SLC22A24: variants seen among roughly 807,000 people sequenced by gnomAD.
The protein encoded by SLC22A24 is steroid transmembrane transporter SLC22A24.
In SLC22A24, 53 loss-of-function variants were observed where a neutral mutation model predicts 49.8. The observed-to-expected ratio is 1.06, with a 90% CI of 0.85 to 1.34. The LOEUF is 1.34. SLC22A24 is among the 40% of genes most tolerant of loss of function. SLC22A24 has a pLI of 0.00. For missense variants in SLC22A24, 786 were observed against 675.9 expected (o/e 1.16, Z -1.81); for synonymous variants, 302 against 256.4 (o/e 1.18, Z -1.70).
intron 6 of SLC22A24, among the ~76,000 whole-genome samples, chr11:63,092,106 C>A (rs2087023900): frequency 6.6e-6 from 1 of 152,108 alleles, no homozygotes; most frequent in South Asian, 2.1e-4. Context: ...TATACACCAA[C>A]AATAGACCAG....
At position 63,116,352 on chromosome 11, in the gene SLC22A24, G is replaced by A. The variant is rs149125647; in HGVS notation, c.830+2560C>T. 5 of 196,576 alleles carry A rather than the reference G, an allele frequency of 2.5e-5. No individual in the cohort carries two copies. The East Asian group carries it at 6.1e-4, about 24-fold the overall frequency. 12.2% of individuals were successfully genotyped at this position (196,576 alleles called of 1,614,324 possible). A position where few individuals can be genotyped will look rare whatever the true frequency, so the allele number is the denominator to read the frequency against. ...GGACTTGGTTATGTCTGCACCTTAAGCCGCAGCTCCCAAAGCACCTAGAAC... is the reference window on the plus strand; with the variant it reads ...GGACTTGGTTATGTCTGCACCTTAAACCGCAGCTCCCAAAGCACCTAGAAC... On this transcript the variant is annotated intron_variant, in intron 4 of 9. Coordinates refer to ENST00000612278, the MANE Select transcript of SLC22A24 (RefSeq NM_001136506.2).
Position 63,137,912 on chromosome 11 carries a change from C to T in SLC22A24, c.403-3144G>A, listed in dbSNP as rs538915732. 4 of 152,314 alleles carry T rather than the reference C, an allele frequency of 2.6e-5. No individual in the cohort carries two copies. In the South Asian group the frequency reaches 8.3e-4, roughly 32 times the overall value. The allele number at this position is 152,314 out of a possible 1,614,324, so 9.4% of individuals were successfully genotyped here. On this transcript the variant is annotated intron_variant, in intron 1 of 9. Transcript: ENST00000612278. The stretch of plus-strand genomic sequence containing the variant: ...TTCTTACTGGCCAAGTTTCTGGTCT[C>T]TCTCTGTCTTTCTCTGTCTTGGTAA...
chr11:63,108,504 A>T (rs2087137940), intron 4 of SLC22A24, among the ~76,000 whole-genome samples: 1 of 152,124 alleles, frequency 6.6e-6, no homozygotes, highest in Non-Finnish European at 1.5e-5. Flanking sequence ...TTCGGAAGGA[A>T]TGGTATCAGC....
intron 5 of SLC22A24, among the ~76,000 whole-genome samples, chr11:63,101,871 G>A (rs781051082): frequency 3.3e-5 from 5 of 152,088 alleles, no homozygotes; most frequent in Non-Finnish European, 7.4e-5. Context: ...AGGAACATTT[G>A]TGGGAGCTAA....
At chr11:63,135,040 C>G (rs967804644) in intron 1 of SLC22A24, among the ~76,000 whole-genome samples, 17 of 152,190 alleles carry the variant, frequency 1.1e-4, no homozygotes, top group African/African-American at 3.6e-4. Context: ...TATTCCTTTT[C>G]CTCTCGGACC....
intron 2 of SLC22A24, among the ~76,000 whole-genome samples, chr11:63,134,281 GT>G (rs2087357614): frequency 6.6e-6 from 1 of 152,076 alleles, no homozygotes. Flanking sequence ...CAATAACGCT[GT>G]TTCACAAATT....
At chr11:63,141,696 G>A (rs887297275) in intron 1 of SLC22A24, among the ~76,000 whole-genome samples, 1 of 152,052 alleles carries the variant, frequency 6.6e-6, no homozygotes, top group East Asian at 1.9e-4. Context: ...GGCTGGGCTC[G>A]GCTTTTAAAA....
Position 63,104,136 on chromosome 11 carries a change from T to C in SLC22A24, c.954+39A>G, listed in dbSNP as rs1292333784. 1.9e-6 allele frequency: 3 copies of C among 1,543,706 alleles called. No individual in the cohort carries two copies. In the African/African-American group the frequency reaches 4.1e-5, roughly 21 times the overall value. On this transcript the variant is annotated intron_variant, in intron 5 of 9. Coordinates refer to ENST00000612278, the MANE Select transcript of SLC22A24 (RefSeq NM_001136506.2). ...CTAGTATGATTGTGAGGTCATGTTT[T>C]CATTTAATCACAGCAATCATTTCCC...
At chr11:63,139,384 A>T (rs1277530284) in intron 1 of SLC22A24, among the ~76,000 whole-genome samples, 2 of 152,172 alleles carry the variant, frequency 1.3e-5, no homozygotes, top group Non-Finnish European at 2.9e-5. Flanking sequence ...GTCATCTGAC[A>T]GTTTTGAGTT....
chr11:63,081,148 A>C (rs1208174128), intron 8 of SLC22A24, 25 bp from the exon 9 acceptor site: 60 of 1,527,850 alleles, frequency 3.9e-5, no homozygotes, highest in Non-Finnish European at 5.2e-5. Flanking sequence ...AACAATACAA[A>C]AAATCTTGTA....
intron 7 of SLC22A24, 75 bp from the exon 8 acceptor site, chr11:63,081,741 C>T: frequency 1.0e-6 from 1 of 981,820 alleles, no homozygotes; most frequent in Non-Finnish European, 1.6e-6. Flanking sequence ...TAAAAAGATT[C>T]TAATGGAGGA....
chr11:63,113,231 T>C (rs1165384151), intron 4 of SLC22A24, among the ~76,000 whole-genome samples: 4 of 125,234 alleles, frequency 3.2e-5, no homozygotes, highest in African/African-American at 1.4e-4. Flanking sequence ...TATATATACA[T>C]ATATATATAT....
chr11:63,099,792 A>C (rs1027604157), intron 5 of SLC22A24, among the ~76,000 whole-genome samples: 1 of 152,132 alleles, frequency 6.6e-6, no homozygotes, highest in Non-Finnish European at 1.5e-5. Flanking sequence ...AACCAATGTG[A>C]TACATCCTAT....
intron 1 of SLC22A24, among the ~76,000 whole-genome samples, chr11:63,135,459 C>T (rs2087366913): frequency 6.6e-6 from 1 of 152,140 alleles, no homozygotes. Flanking sequence ...AGGTCTTTCT[C>T]CCTAGATTAA....
chr11:63,114,606 G>A (rs1171465871), intron 4 of SLC22A24, among the ~76,000 whole-genome samples: 1 of 152,172 alleles, frequency 6.6e-6, no homozygotes, highest in Non-Finnish European at 1.5e-5. Context: ...TTGCTTGTGA[G>A]GAGCTGCAAT....
Position 63,143,500 on chromosome 11 carries a change from G to C in SLC22A24, c.280C>G (p.Pro94Ala). 1.4e-5 allele frequency: 22 copies of C among 1,601,370 alleles called. No homozygotes were observed. Among genetic ancestry groups the C allele is most frequent in the Non-Finnish European group, 1.8e-5 (21 of 1,174,208 alleles). Reference sequence around the variant, plus strand: ...TTCAGGTGAAGGAGCTGCCACTGGGGATGGATAAAGCGCTGACACTTCTGT... The same window carrying C: ...TTCAGGTGAAGGAGCTGCCACTGGGCATGGATAAAGCGCTGACACTTCTGT... ...RPQKCQRFIH[P>A]QWQLLHLNGT... Residue 94 changes from proline (P) to alanine (A), a missense_variant, in exon 1 of 10, where the codon CCC becomes GCC. By Grantham distance (27) the Pro-to-Ala change is conservative. Coordinates refer to ENST00000612278, the MANE Select transcript of SLC22A24 (RefSeq NM_001136506.2).
At position 63,083,255 on chromosome 11, in the gene SLC22A24, AG is replaced by A. The variant is rs1471466402; in HGVS notation, c.1272del (p.Leu426CysfsTer12). 1.5e-5 allele frequency: 24 copies of A among 1,555,350 alleles called. No homozygotes were observed. The highest frequency in any genetic ancestry group is 2.0e-5 in the Non-Finnish European group (23 of 1,148,618). On this transcript the variant is annotated frameshift_variant, in exon 7 of 10. Transcript: ENST00000612278. LOFTEE classifies it high-confidence loss of function. ...CTGTCTCTCTCACCTTGGGGCAAAA[AG>A]GTGTTGACCAGAATGAAAAGTCCCA... ...FPVGLFILVN[T>X]FLPQEMQILR...
At position 63,096,599 on chromosome 11, in the gene SLC22A24, C is replaced by T. The variant is rs149456926; in HGVS notation, c.955-493G>A. Among the ~76,000 whole-genome samples, 38 of 152,236 alleles carry T rather than the reference C, an allele frequency of 2.5e-4. No individual in the cohort carries two copies. The East Asian group carries it at 5.8e-3, about 23-fold the overall frequency. ...GTGTTTGCTATTGTGAACAGTGCTG[C>T]AATAAAAATATGTGTGCATGTGTCT... On this transcript the variant is annotated intron_variant, in intron 5 of 9. Transcript: ENST00000612278.
At chr11:63,083,838 G>A (rs992465248) in intron 6 of SLC22A24, among the ~76,000 whole-genome samples, 2 of 152,190 alleles carry the variant, frequency 1.3e-5, no homozygotes, top group African/African-American at 2.4e-5. Flanking sequence ...TTGGACATGG[G>A]TAGGGTTAGA....
Sources: gnomAD v4.1 joint callset for allele counts (sites outside exome capture counted in the v4.1 genomes callset) on GRCh38, gnomAD v4.1.1 for gene constraint, MANE v1.5 for transcripts, NCBI Gene and HGNC (gene_info 2026-07-23, HGNC 2026-07-21) for gene names.